The following MOB4 variants were observed in gnomAD, a reference collection of about 807,000 sequenced individuals.
MOB4 encodes the protein MOB family member 4, phocein.
A neutral mutation model predicts 32.2 loss-of-function variants in MOB4; 4 were observed. The ratio of observed to expected loss-of-function variants is 0.12; its 90% CI spans 0.06 to 0.28. The LOEUF is 0.28. Ranked by LOEUF, MOB4 falls within the 10% of genes least tolerant of loss-of-function variation. The probability of loss-of-function intolerance (pLI) is 1.00; values close to 1 mark genes in which losing one functional copy is unlikely to be tolerated. For synonymous variants in MOB4, 88 were observed against 88.1 expected (o/e 1.00, Z 0.01); for missense variants, 158 against 271.2 (o/e 0.58, Z 2.93).
At position 197,529,237 on chromosome 2, in the gene MOB4, G is replaced by C. The variant is rs1327301302; in HGVS notation, c.123+5551G>C. 2.6e-5 allele frequency among the ~76,000 whole-genome samples: 4 copies of C among 152,166 alleles called. No individual in the cohort carries two copies. The East Asian group carries it at 7.7e-4, about 29-fold the overall frequency. On this transcript the variant is annotated intron_variant, in intron 2 of 7. Coordinates refer to ENST00000323303, the MANE Select transcript of MOB4 (RefSeq NM_015387.5). ...CCTGCCTCAGCCTCACAGAGTACTG[G>C]GATTACAGACATGAGCCACCGCGGC...
upstream of MOB4, chr2:197,515,752 A>G: frequency 2.7e-6 from 1 of 372,980 alleles, no homozygotes; most frequent in African/African-American, 2.2e-5. Context: ...GAGAGCCCAT[A>G]CCAACGTGCA....
chr2:197,520,107 T>C (rs1219210018), intron 1 of MOB4, among the ~76,000 whole-genome samples: 1 of 152,168 alleles, frequency 6.6e-6, no homozygotes, highest in African/African-American at 2.4e-5. Flanking sequence ...CTCTGTCTTC[T>C]ACCCTATCAT....
chr2:197,521,256 C>T (rs923598248), intron 1 of MOB4, among the ~76,000 whole-genome samples: 7 of 152,024 alleles, frequency 4.6e-5, no homozygotes, highest in African/African-American at 9.7e-5. Context: ...CGGTGGGTAC[C>T]GTGATGCCCC....
At chr2:197,517,663 G>C (rs2086438933) in intron 1 of MOB4, among the ~76,000 whole-genome samples, 1 of 151,930 alleles carries the variant, frequency 6.6e-6, no homozygotes, top group African/African-American at 2.4e-5. Context: ...CATTGTCATG[G>C]ATCAAGGTTG....
At chr2:197,520,300 G>A (rs550142798) in intron 1 of MOB4, among the ~76,000 whole-genome samples, 1 of 151,596 alleles carries the variant, frequency 6.6e-6, no homozygotes, top group South Asian at 2.1e-4. Flanking sequence ...CACCACGCCT[G>A]GCTAATTTTT....
intron 2 of MOB4, among the ~76,000 whole-genome samples, chr2:197,526,286 T>G (rs2106110980): frequency 6.6e-6 from 1 of 152,264 alleles, no homozygotes; most frequent in South Asian, 2.1e-4. Flanking sequence ...CTGCACCTAT[T>G]GAGATGATCA....
In MOB4 at chr2:197,550,866, T is replaced by TA; in HGVS notation, c.*221dup. The TA allele has an allele frequency of 6.3e-6, 2 of 317,002 alleles. No homozygotes were observed. Among genetic ancestry groups the TA allele is most frequent in the Non-Finnish European group, 1.1e-5 (2 of 187,640 alleles). The allele number at this position is 317,002 out of a possible 1,614,324, so 19.6% of individuals were successfully genotyped here. ...CATGGTTTTTAAATAAGATTAGTAT[T>TA]ATCTGTTTATAATGCCTGTTAATAA... is the stretch of plus-strand genomic sequence containing the variant. On this transcript the variant is annotated 3_prime_UTR_variant, in exon 8 of 8. Transcript: ENST00000323303.
chr2:197,523,174 T>G (rs1352691633), intron 1 of MOB4, among the ~76,000 whole-genome samples: 1 of 152,142 alleles, frequency 6.6e-6, no homozygotes, highest in Non-Finnish European at 1.5e-5. Context: ...AGTGATAGAC[T>G]TGTCTCCCCA....
At chr2:197,522,201 G>T (rs1342569310) in intron 1 of MOB4, among the ~76,000 whole-genome samples, 3 of 151,366 alleles carry the variant, frequency 2.0e-5, no homozygotes, top group Non-Finnish European at 4.4e-5. Context: ...CAAAAAATTA[G>T]ATTCTTTTAG....
intron 2 of MOB4, among the ~76,000 whole-genome samples, chr2:197,535,155 G>A (rs2086775713): frequency 6.6e-6 from 1 of 151,640 alleles, no homozygotes; most frequent in African/African-American, 2.4e-5. Flanking sequence ...CCCAGGAGGT[G>A]GATATTGCAG....
chr2:197,540,941 G>T (rs1269354816), intron 5 of MOB4, among the ~76,000 whole-genome samples: 2 of 149,842 alleles, frequency 1.3e-5, no homozygotes, highest in Non-Finnish European at 3.0e-5. Flanking sequence ...TTACTCCGTT[G>T]TCCAGGCTGG....
rs373240013 is a variant in MOB4, at chr2:197,550,308, A to G, written c.468A>G (p.Leu156=). 2.4e-5 allele frequency: 39 copies of G among 1,613,452 alleles called. No homozygotes were observed. Among genetic ancestry groups the G allele is most frequent in the Non-Finnish European group, 3.3e-5 (39 of 1,179,956 alleles). Residue 156 remains leucine (L), a synonymous_variant, in exon 7 of 8, where the codon CTA becomes CTG. Transcript: ENST00000323303. ...VSIKESSVAK[L]GSVCRRIYRI... ...TAAAGGAATCATCTGTAGCGAAACT[A>G]GGATCAGTATGCCGTAGGATTTACA...
chr2:197,530,200 C>A (rs947691578), intron 2 of MOB4, among the ~76,000 whole-genome samples: 1 of 152,058 alleles, frequency 6.6e-6, no homozygotes, highest in Non-Finnish European at 1.5e-5. Context: ...GAACTCCTGA[C>A]CTTGTGATCC....
chr2:197,529,719 A>G (rs1030150813), intron 2 of MOB4, among the ~76,000 whole-genome samples: 3 of 149,688 alleles, frequency 2.0e-5, no homozygotes, highest in Admixed American at 6.7e-5. Flanking sequence ...CAGTGGTGCA[A>G]TCTCGTCTCA....
intron 3 of MOB4, 133 bp from the exon 4 acceptor site, chr2:197,539,978 A>T: frequency 1.2e-6 from 1 of 854,690 alleles, no homozygotes; most frequent in Non-Finnish European, 1.7e-6. Flanking sequence ...TGTCATTGTC[A>T]GTTTAGGTGG....
chr2:197,530,774 TG>T (rs2086688351), intron 2 of MOB4, among the ~76,000 whole-genome samples: 1 of 152,104 alleles, frequency 6.6e-6, no homozygotes, highest in African/African-American at 2.4e-5. Context: ...CTAATTTTTA[TG>T]TTTTGTAGAG....
intron 5 of MOB4, among the ~76,000 whole-genome samples, chr2:197,545,969 A>G (rs2086985805): frequency 6.6e-6 from 1 of 152,240 alleles, no homozygotes; most frequent in Admixed American, 6.5e-5. Flanking sequence ...TATATCAATT[A>G]CCTGCTGAAA....
At chr2:197,547,520 CTTTT>C (rs2087018191) in intron 5 of MOB4, among the ~76,000 whole-genome samples, 1 of 152,064 alleles carries the variant, frequency 6.6e-6, no homozygotes, top group East Asian at 1.9e-4. Context: ...AAAAATACTT[CTTTT>C]TTATTAGGTA....
In MOB4 at chr2:197,550,770, T is replaced by C; in HGVS notation, c.*124T>C. 8.0e-7 allele frequency: 1 copy of C among 1,243,620 alleles called. No homozygotes were observed. Among genetic ancestry groups the C allele is most frequent in the Non-Finnish European group, 1.0e-6 (1 of 952,632 alleles). The allele number at this position is 1,243,620 out of a possible 1,614,324, so 77.0% of individuals were successfully genotyped here. On this transcript the variant is annotated 3_prime_UTR_variant, in exon 8 of 8. Coordinates refer to ENST00000323303, the MANE Select transcript of MOB4 (RefSeq NM_015387.5). ...TTGTTTAGTATAGGTTTTTGTATGCTGGGTTTGCCTTTTAAAATGGGAAAT... is the reference window on the plus strand; with the variant it reads ...TTGTTTAGTATAGGTTTTTGTATGCCGGGTTTGCCTTTTAAAATGGGAAAT...
Sources: gnomAD v4.1 joint callset for allele counts (sites outside exome capture counted in the v4.1 genomes callset) on GRCh38, gnomAD v4.1.1 for gene constraint, MANE v1.5 for transcripts, NCBI Gene and HGNC (gene_info 2026-07-23, HGNC 2026-07-21) for gene names.